NHSL2: variants seen among roughly 807,000 people sequenced by gnomAD.
NHSL2 encodes NHS-like protein 2.
A neutral mutation model predicts 53.4 loss-of-function variants in NHSL2; 27 were observed. The observed-to-expected ratio is 0.51, with a 90% CI of 0.37 to 0.70. NHSL2 has a LOEUF of 0.70. Among genes scored for constraint, NHSL2 ranks in the 30% least tolerant of loss-of-function variants. The pLI, the probability that NHSL2 is intolerant of heterozygous loss-of-function variation, is 0.00. For missense variants in NHSL2, 892 were observed against 980.1 expected, an observed-to-expected ratio of 0.91 and a Z score of 1.20; for synonymous variants, 408 against 404.1, an observed-to-expected ratio of 1.01 and a Z score of -0.12.
At chrX:72,012,638 T>C (rs2042120824) in intron 1 of NHSL2, among the ~76,000 whole-genome samples, 1 of 112,589 alleles carries the variant, frequency 8.9e-6, no homozygotes, top group Non-Finnish European at 1.9e-5. Flanking sequence ...TTAATTATAC[T>C]TGCAAAAGCT....
chrX:72,124,273 G>A (rs1339305337), intron 1 of NHSL2, among the ~76,000 whole-genome samples: 1 of 110,990 alleles, frequency 9.0e-6, no homozygotes, highest in East Asian at 2.8e-4. Context: ...TTTCTCGGGG[G>A]CAGAATTCTG....
At chrX:72,026,095 C>T (rs1375390667) in intron 1 of NHSL2, among the ~76,000 whole-genome samples, 4 of 112,113 alleles carry the variant, frequency 3.6e-5, no homozygotes, top group Non-Finnish European at 5.6e-5. Context: ...AGACCTTTGA[C>T]GTCTATTAAC....
intron 1 of NHSL2, among the ~76,000 whole-genome samples, chrX:71,946,050 G>A (rs780977342): frequency 2.7e-5 from 3 of 112,111 alleles, no homozygotes; most frequent in Admixed American, 1.9e-4. Flanking sequence ...GAATAAGATC[G>A]GCTCATTGTC....
intron 1 of NHSL2, among the ~76,000 whole-genome samples, chrX:72,063,666 A>G (rs1202512486): frequency 1.8e-5 from 2 of 111,375 alleles, no homozygotes; most frequent in Admixed American, 9.7e-5. Flanking sequence ...CTTTTCATGC[A>G]CTCAATTTTC....
intron 5 of NHSL2, 63 bp downstream of exon 5, chrX:72,137,288 C>A (rs2042364384): frequency 8.6e-6 from 9 of 1,050,988 alleles, no homozygotes; most frequent in Non-Finnish European, 1.2e-5. Context: ...AATCCTGCCA[C>A]CCAGGTGGTA....
intron 1 of NHSL2, among the ~76,000 whole-genome samples, chrX:72,087,292 A>G (rs1306570808): frequency 8.9e-6 from 1 of 112,803 alleles, no homozygotes; most frequent in Non-Finnish European, 1.9e-5. Context: ...ACTTATATGA[A>G]ACATGTAGAC....
intron 1 of NHSL2, chrX:72,131,868 A>G: frequency 3.1e-6 from 1 of 317,684 alleles, no homozygotes; most frequent in Non-Finnish European, 5.3e-6. Context: ...GCGGGCGGGC[A>G]GGGGCGAGCG....
At chrX:71,915,685 T>A (rs909292189) in intron 1 of NHSL2, among the ~76,000 whole-genome samples, 1 of 111,869 alleles carries the variant, frequency 8.9e-6, no homozygotes, top group Non-Finnish European at 1.9e-5. Context: ...GATTTGGGAA[T>A]GTGGTACCGG....
rs746278920 is a variant in NHSL2 at position 71,921,849 on chromosome X, CTG to C, written c.280+10485_280+10486del. Among the ~76,000 whole-genome samples the C allele has an allele frequency of 9.0e-4, 101 of 112,388 alleles. 2 individuals carry two copies. In the South Asian group the frequency reaches 0.013, roughly 15 times the overall value. ...TCCAAATCAACGTCTAGATCAGACTCTGTGCTTTCCCGTGTTCTCTGATGTGG... is the reference window on the plus strand; with the variant it reads ...TCCAAATCAACGTCTAGATCAGACTCTGCTTTCCCGTGTTCTCTGATGTGG... On this transcript the variant is annotated intron_variant, in intron 1 of 7. Coordinates refer to ENST00000633930, the MANE Select transcript of NHSL2 (RefSeq NM_001013627.3).
intron 1 of NHSL2, among the ~76,000 whole-genome samples, chrX:72,094,010 G>A (rs2041924225): frequency 9.0e-6 from 1 of 111,070 alleles, no homozygotes; most frequent in Non-Finnish European, 1.9e-5. Context: ...TGAAACTCCT[G>A]ACCTCAGGTG....
At chrX:71,913,402 C>T (rs949278160) in intron 1 of NHSL2, among the ~76,000 whole-genome samples, 4 of 111,943 alleles carry the variant, frequency 3.6e-5, no homozygotes, top group African/African-American at 1.3e-4. Context: ...CTGGCCACTC[C>T]CTTGTCGCTC....
At chrX:72,081,963 A>G (rs2041796260) in intron 1 of NHSL2, among the ~76,000 whole-genome samples, 1 of 112,220 alleles carries the variant, frequency 8.9e-6, no homozygotes, top group South Asian at 3.7e-4. Flanking sequence ...CAGAGGCCAC[A>G]GCTGGCCTCT....
chrX:72,118,659 C>T (rs1477395157), intron 1 of NHSL2, among the ~76,000 whole-genome samples: 3 of 111,794 alleles, frequency 2.7e-5, no homozygotes, highest in African/African-American at 6.5e-5. Flanking sequence ...TTCCTGGCCT[C>T]GAGTGATCCT....
At chrX:71,961,373 TC>T (rs2041866566) in intron 1 of NHSL2, among the ~76,000 whole-genome samples, 2 of 110,431 alleles carry the variant, frequency 1.8e-5, no homozygotes, top group South Asian at 7.7e-4. Flanking sequence ...TTCCTTCTGT[TC>T]TTCTTTCCTT....
intron 1 of NHSL2, among the ~76,000 whole-genome samples, chrX:72,042,635 C>T (rs1369765208): frequency 9.1e-6 from 1 of 110,049 alleles, no homozygotes. Flanking sequence ...GGGGTTAGAA[C>T]TGGACCACAC....
chrX:72,078,688 G>A (rs761378628), intron 1 of NHSL2, among the ~76,000 whole-genome samples: 6 of 111,843 alleles, frequency 5.4e-5, no homozygotes, highest in Non-Finnish European at 7.5e-5. Flanking sequence ...CAGTGCTTAC[G>A]CCTCGGACTA....
chrX:72,100,919 A>C (rs1226765974), intron 1 of NHSL2, among the ~76,000 whole-genome samples: 1 of 111,599 alleles, frequency 9.0e-6, no homozygotes, highest in Non-Finnish European at 1.9e-5. Flanking sequence ...GAGATATAGA[A>C]AGAGCCTGAG....
rs1169521123 is a variant in NHSL2 at position 72,115,891 on chromosome X, G to A, written c.281-16188G>A. Among the ~76,000 whole-genome samples the A allele has an allele frequency of 4.5e-5, 5 of 111,385 alleles. No homozygotes were observed. The Admixed American group carries it at 4.7e-4, about 11-fold the overall frequency. On this transcript the variant is annotated intron_variant, in intron 1 of 7. Transcript: ENST00000633930. Reference sequence around the variant, plus strand: ...AGCAGTATCCCTTGGGAACTTGTTAGAAATGTAAATTCCTGGGCCTTCCCC... The same window carrying A: ...AGCAGTATCCCTTGGGAACTTGTTAAAAATGTAAATTCCTGGGCCTTCCCC...
At chrX:71,920,875 C>T (rs2147812832) in intron 1 of NHSL2, among the ~76,000 whole-genome samples, 1 of 110,276 alleles carries the variant, frequency 9.1e-6, no homozygotes, top group East Asian at 2.9e-4. Context: ...GCGATCTCGG[C>T]CCACTGCAAC....
Sources: gnomAD v4.1 joint callset for allele counts (sites outside exome capture counted in the v4.1 genomes callset) on GRCh38, gnomAD v4.1.1 for gene constraint, MANE v1.5 for transcripts, NCBI Gene and HGNC (gene_info 2026-07-23, HGNC 2026-07-21) for gene names.